KCNH7: variants seen among roughly 807,000 people sequenced by gnomAD.
KCNH7 encodes the protein potassium voltage-gated channel subfamily H member 7, also known as voltage-gated inwardly rectifying potassium channel KCNH7.
KCNH7 carries 49 observed loss-of-function variants against 120.8 expected under a neutral mutation model. That is an observed-to-expected ratio of 0.41 (90% CI 0.32 to 0.51). KCNH7 has a LOEUF of 0.51. Ranked by LOEUF, KCNH7 falls within the 20% of genes least tolerant of loss-of-function variation. The pLI is 0.38. For missense variants in KCNH7, 1,097 were observed against 1,446.6 expected (o/e 0.76, Z 3.92); for synonymous variants, 547 against 516.1 (o/e 1.06, Z -0.81).
chr2:162,548,936 A>G (rs767851638), intron 2 of KCNH7, among the ~76,000 whole-genome samples: 8 of 152,218 alleles, frequency 5.3e-5, no homozygotes, highest in Non-Finnish European at 7.3e-5. Context: ...TCTGTAGCCA[A>G]TAAGTTATGT....
intron 2 of KCNH7, among the ~76,000 whole-genome samples, chr2:162,802,443 G>A (rs1024403614): frequency 1.3e-5 from 2 of 151,504 alleles, no homozygotes; most frequent in Non-Finnish European, 3.0e-5. Flanking sequence ...TCTCTCTCGG[G>A]TCATATTCTA....
intron 6 of KCNH7, among the ~76,000 whole-genome samples, chr2:162,450,569 AC>A (rs1244126263): frequency 3.9e-5 from 6 of 152,070 alleles, no homozygotes; most frequent in African/African-American, 1.4e-4. Flanking sequence ...AGATGGCAGT[AC>A]TTTGTTATTA....
Position 162,417,382 on chromosome 2 carries a change from T to C in KCNH7, c.2154+5954A>G, listed in dbSNP as rs552312161. On this transcript the variant is annotated intron_variant, in intron 9 of 15. Coordinates refer to ENST00000332142, the MANE Select transcript of KCNH7 (RefSeq NM_033272.4). The stretch of plus-strand genomic sequence containing the variant: ...TCTGAAACTGAATTGAGTTGAATTA[T>C]TCCTATGCTCCTACCAGTCCAAAGT... 9.8e-5 allele frequency among the ~76,000 whole-genome samples: 15 copies of C among 152,300 alleles called. No homozygotes were observed. In the South Asian group the frequency reaches 3.1e-3, roughly 32 times the overall value.
At chr2:162,659,503 G>A (rs1684884019) in intron 2 of KCNH7, among the ~76,000 whole-genome samples, 1 of 151,814 alleles carries the variant, frequency 6.6e-6, no homozygotes, top group South Asian at 2.1e-4. Context: ...CACCACACCT[G>A]GCTAATTTTT....
intron 2 of KCNH7, among the ~76,000 whole-genome samples, chr2:162,781,626 A>G (rs1272925955): frequency 6.6e-6 from 1 of 152,130 alleles, no homozygotes; most frequent in Non-Finnish European, 1.5e-5. Context: ...TTTGGATTTC[A>G]TTACATATAT....
intron 6 of KCNH7, among the ~76,000 whole-genome samples, chr2:162,484,061 G>C (rs1487535993): frequency 6.6e-6 from 1 of 152,140 alleles, no homozygotes; most frequent in Admixed American, 6.6e-5. Flanking sequence ...TAGGACTCTG[G>C]AAAGTTCCCT....
intron 2 of KCNH7, among the ~76,000 whole-genome samples, chr2:162,540,615 G>C (rs1232329393): frequency 6.6e-6 from 1 of 152,048 alleles, no homozygotes; most frequent in African/African-American, 2.4e-5. Flanking sequence ...ATGTAACTAG[G>C]GCTGTGTATG....
At chr2:162,760,694 ACC>A (rs879840720) in intron 2 of KCNH7, among the ~76,000 whole-genome samples, 32 of 152,208 alleles carry the variant, frequency 2.1e-4, no homozygotes, top group Non-Finnish European at 4.4e-4. Context: ...ACCTAATTAC[ACC>A]AGAAATGTTT....
At chr2:162,517,148 CA>C (rs1691329573) in intron 4 of KCNH7, among the ~76,000 whole-genome samples, 2 of 151,786 alleles carry the variant, frequency 1.3e-5, no homozygotes, top group South Asian at 4.2e-4. Context: ...TCAAAGAGGC[CA>C]GGGAGAATAA....
intron 6 of KCNH7, among the ~76,000 whole-genome samples, chr2:162,454,580 A>G (rs972844348): frequency 6.6e-6 from 1 of 152,164 alleles, no homozygotes; most frequent in Non-Finnish European, 1.5e-5. Context: ...CTTCCCATCC[A>G]TGAGCATGGA....
chr2:162,793,110 G>A (rs952478692), intron 2 of KCNH7, among the ~76,000 whole-genome samples: 2 of 151,860 alleles, frequency 1.3e-5, no homozygotes, highest in Non-Finnish European at 2.9e-5. Context: ...GGAATACTAT[G>A]CAGCCATAAA....
intron 2 of KCNH7, among the ~76,000 whole-genome samples, chr2:162,650,339 T>A (rs796776378): frequency 6.6e-6 from 1 of 152,208 alleles, no homozygotes; most frequent in African/African-American, 2.4e-5. Context: ...TGTGAAGATA[T>A]GTATGAGCCA....
At chr2:162,758,945 C>T (rs901705611) in intron 2 of KCNH7, among the ~76,000 whole-genome samples, 1 of 152,056 alleles carries the variant, frequency 6.6e-6, no homozygotes, top group Non-Finnish European at 1.5e-5. Context: ...TTTGAGGAAA[C>T]AAAGGATGAC....
intron 2 of KCNH7, among the ~76,000 whole-genome samples, chr2:162,659,550 C>A (rs890111401): frequency 3.3e-5 from 5 of 152,002 alleles, no homozygotes; most frequent in Non-Finnish European, 5.9e-5. Flanking sequence ...CTGTATTGGC[C>A]AGGCTTGTGT....
At chr2:162,802,764 C>T (rs1463604393) in intron 2 of KCNH7, among the ~76,000 whole-genome samples, 2 of 151,562 alleles carry the variant, frequency 1.3e-5, no homozygotes, top group South Asian at 2.1e-4. Context: ...AATGCAATGT[C>T]CATTTGATAC....
intron 6 of KCNH7, among the ~76,000 whole-genome samples, chr2:162,455,724 T>A (rs1192955874): frequency 6.6e-6 from 1 of 152,194 alleles, no homozygotes; most frequent in Admixed American, 6.5e-5. Context: ...TTTATTTGCA[T>A]AGAGGTGTTT....
chr2:162,767,092 A>T (rs1682847673), intron 2 of KCNH7, among the ~76,000 whole-genome samples: 1 of 152,258 alleles, frequency 6.6e-6, no homozygotes, highest in Admixed American at 6.5e-5. Flanking sequence ...ATTTTCCCAT[A>T]ATATGAATGT....
At chr2:162,471,677 G>A (rs1689536483) in intron 6 of KCNH7, among the ~76,000 whole-genome samples, 1 of 152,160 alleles carries the variant, frequency 6.6e-6, no homozygotes, top group African/African-American at 2.4e-5. Context: ...GTAATTTATA[G>A]ATTCAATGCC....
At chr2:162,386,462 G>A (rs1402464092) in intron 12 of KCNH7, among the ~76,000 whole-genome samples, 4 of 151,692 alleles carry the variant, frequency 2.6e-5, no homozygotes, top group Admixed American at 1.3e-4. Context: ...TGAAAAAAAC[G>A]AAAGTTTCAT....
Sources: gnomAD v4.1 joint callset for allele counts (sites outside exome capture counted in the v4.1 genomes callset) on GRCh38, gnomAD v4.1.1 for gene constraint, MANE v1.5 for transcripts, NCBI Gene and HGNC (gene_info 2026-07-23, HGNC 2026-07-21) for gene names.